Variants in GLB1L2 observed in about 807,000 individuals in gnomAD.
GLB1L2 encodes beta-galactosidase-1-like protein 2.
In GLB1L2, 68 loss-of-function variants were observed where a neutral mutation model predicts 84.1. That is an observed-to-expected ratio of 0.81 (90% CI 0.67 to 0.99). The LOEUF is 0.99. Among genes scored for constraint, GLB1L2 ranks in the 50% least tolerant of loss-of-function variants. The pLI is 0.00. For synonymous variants in GLB1L2, 290 were observed against 318.0 expected, an observed-to-expected ratio of 0.91 and a Z score of 0.94; for missense variants, 762 against 805.6, an observed-to-expected ratio of 0.95 and a Z score of 0.66.
At position 134,359,151 on chromosome 11, in the gene GLB1L2, C is replaced by T; in HGVS notation, c.733+10C>T. The stretch of plus-strand genomic sequence containing the variant: ...GGGATTGTCCAGGGAGGTAACTGCA[C>T]TTGTGTTGGGCCGTGGGGGCTGGCG... On this transcript the variant is annotated intron_variant, in intron 7 of 18. Coordinates refer to ENST00000535456, the MANE Select transcript of GLB1L2 (RefSeq NM_001370461.1). 6.3e-7 allele frequency: 1 copy of T among 1,587,518 alleles called. No homozygotes were observed. Among genetic ancestry groups the T allele is most frequent in the Non-Finnish European group, 8.6e-7 (1 of 1,165,718 alleles).
chr11:134,367,145 C>A, intron 8 of GLB1L2, 112 bp from the exon 9 acceptor site: 1 of 936,334 alleles, frequency 1.1e-6, no homozygotes, highest in East Asian at 2.6e-5. Flanking sequence ...AGTGGGTATG[C>A]AGACAGGGAA....
intron 2 of GLB1L2, 144 bp downstream of exon 2, chr11:134,343,095 A>G: frequency 1.3e-6 from 1 of 791,030 alleles, no homozygotes; most frequent in African/African-American, 1.7e-5. Flanking sequence ...CCCACCACAG[A>G]GCTCCTGACT....
At chr11:134,350,361 T>G (rs1487427599) in intron 5 of GLB1L2, among the ~76,000 whole-genome samples, 2 of 152,240 alleles carry the variant, frequency 1.3e-5, no homozygotes, top group African/African-American at 4.8e-5. Flanking sequence ...ACGTGGATGC[T>G]GGCTGAGCTC....
At position 134,369,948 on chromosome 11, in the gene GLB1L2, A is replaced by G. The variant is rs942262699; in HGVS notation, c.1108+63A>G. The G allele has an allele frequency of 3.1e-5, 43 of 1,386,632 alleles. 1 individual carries two copies. Among genetic ancestry groups the G allele is most frequent in the Non-Finnish European group, 3.9e-5 (38 of 978,224 alleles). The allele number at this position is 1,386,632 out of a possible 1,614,324, so 85.9% of individuals were successfully genotyped here. A position where few individuals can be genotyped will look rare whatever the true frequency, so the allele number is the denominator to read the frequency against. ...CCCTCGCTTCTGCTCTCAGACCCCTAAAGAGTTACTTCCTTACTGTCCCAC... is the reference window on the plus strand; with the variant it reads ...CCCTCGCTTCTGCTCTCAGACCCCTGAAGAGTTACTTCCTTACTGTCCCAC... On this transcript the variant is annotated intron_variant, in intron 11 of 18. Coordinates refer to ENST00000535456, the MANE Select transcript of GLB1L2 (RefSeq NM_001370461.1).
At position 134,364,354 on chromosome 11, in the gene GLB1L2, A is replaced by G. The variant is rs1591622011; in HGVS notation, c.760A>G (p.Thr254Ala). 11 of 1,614,062 alleles carry G rather than the reference A, an allele frequency of 6.8e-6. No homozygotes were observed. Among genetic ancestry groups the G allele is most frequent in the South Asian group, 1.1e-5 (1 of 91,070 alleles). Residue 254 changes from threonine (T) to alanine (A), a missense_variant, in exon 8 of 19, where the codon ACA becomes GCA. Transcript: ENST00000535456. The stretch of plus-strand genomic sequence containing the variant: ...CTTGGCCACCATCAACTTGCAGTCA[A>G]CACACGAGCTGCAGCTACTGACCAC... ...GVLATINLQSTHELQLLTTFL... is the reference protein window; with the variant it reads ...GVLATINLQSAHELQLLTTFL...
At chr11:134,345,196 TTCTGTGTTCCAGTTCCCATTCTGTAC>T (rs75467288) in intron 4 of GLB1L2, 67 bp downstream of exon 4, 86,424 of 1,468,122 alleles carry the variant, frequency 0.059, 5,253 homozygotes, top group East Asian at 0.32. Context: ...TCTGGTTTGT[TTCTGTGTTCCAGTTCCCATTCTGTAC>T]TGAATTGTGT....
In GLB1L2 at chr11:134,344,403, C is replaced by T; in HGVS notation, c.301C>T (p.Leu101=). The change falls in exon 3 of 19, where the codon CTG becomes TTG. Residue 101 remains leucine (L), a synonymous_variant. Transcript: ENST00000535456. ...CTGTTGCAGCTATGTTCCGTGGAAC[C>T]TGCATGAGCCAGAAAGAGGCAAATT... is the stretch of plus-strand genomic sequence containing the variant. The part of the protein sequence containing the change: ...NTLTTYVPWN[L]HEPERGKFDF... 1 of 1,613,650 alleles carries T rather than the reference C, an allele frequency of 6.2e-7. No individual in the cohort carries two copies.
At chr11:134,368,929 T>C (rs950786909) in intron 10 of GLB1L2, 148 bp downstream of exon 10, 3 of 815,058 alleles carry the variant, frequency 3.7e-6, no homozygotes, top group African/African-American at 1.7e-5. Flanking sequence ...TGGACAGTCA[T>C]GTTACACTCC....
At chr11:134,358,597 C>T (rs1439040848) in intron 6 of GLB1L2, among the ~76,000 whole-genome samples, 3 of 152,408 alleles carry the variant, frequency 2.0e-5, no homozygotes, top group African/African-American at 7.2e-5. Context: ...CTTGCCATCC[C>T]CCAAACCCAC....
chr11:134,342,853 G>A lies in GLB1L2; in HGVS notation c.186G>A (p.Trp62Ter), dbSNP rs544621781. ...TCATGCTGGAGGATTCCACCTTCTG[G>A]ATCTTCGGGGGCTCCATCCACTATT... is the stretch of plus-strand genomic sequence containing the variant. ...WNFMLEDSTFWIFGGSIHYFR... is the reference protein window; with the variant it reads ...WNFMLEDSTF Residue 62 changes from tryptophan (W) to a stop codon, truncating the protein, a stop_gained, in exon 2 of 19, where the codon TGG becomes TGA. Transcript: ENST00000535456. LOFTEE classifies it high-confidence loss of function. The A allele has an allele frequency of 1.4e-4, 229 of 1,614,030 alleles. 3 individuals carry two copies. In the South Asian group the frequency reaches 2.5e-3, roughly 17 times the overall value.
chr11:134,342,974 C>G (rs888854417), intron 2 of GLB1L2, 23 bp downstream of exon 2: 1 of 1,590,390 alleles, frequency 6.3e-7, no homozygotes, highest in African/African-American at 1.3e-5. Context: ...CCTGTCCCCC[C>G]GGAGCCTGGT....
chr11:134,342,108 G>A (rs1943472027), intron 1 of GLB1L2, among the ~76,000 whole-genome samples: 1 of 152,106 alleles, frequency 6.6e-6, no homozygotes, highest in Admixed American at 6.5e-5. Flanking sequence ...CGGCAGCACC[G>A]AGTCACTGGG....
At chr11:134,342,636 A>T in intron 1 of GLB1L2, 118 bp from the exon 2 acceptor site, 1 of 1,024,884 alleles carries the variant, frequency 9.8e-7, no homozygotes. Flanking sequence ...AGCTTTTCCC[A>T]GCCACCTGGA....
Position 134,374,208 on chromosome 11 carries a change from T to C in GLB1L2, c.1659T>C (p.Gly553=). 6.2e-7 allele frequency: 1 copy of C among 1,614,126 alleles called. No individual in the cohort carries two copies. The highest frequency in any genetic ancestry group is 8.5e-7 in the Non-Finnish European group (1 of 1,179,964). ...CCACATTACCTGCTTTCTTCTTGGG[T>C]AGCTTGTCCATCAGCTCCACCCCTT... The part of the protein sequence containing the change: ...ETPTLPAFFL[G]SLSISSTPCD... The change falls in exon 17 of 19, where the codon GGT becomes GGC. Residue 553 remains glycine, a synonymous_variant. Transcript: ENST00000535456.
chr11:134,369,147 C>T (rs1450974364), intron 10 of GLB1L2, among the ~76,000 whole-genome samples: 2 of 152,184 alleles, frequency 1.3e-5, no homozygotes, highest in East Asian at 1.9e-4. Flanking sequence ...GTAGAAATTA[C>T]ACCTGCAGCT....
chr11:134,369,375 G>C (rs950511181), intron 10 of GLB1L2, among the ~76,000 whole-genome samples: 1 of 152,118 alleles, frequency 6.6e-6, no homozygotes, highest in Non-Finnish European at 1.5e-5. Context: ...AAAATTTTTT[G>C]TAGAGGTGGG....
intron 5 of GLB1L2, among the ~76,000 whole-genome samples, chr11:134,352,230 G>A (rs940819952): frequency 2.6e-5 from 4 of 152,028 alleles, no homozygotes; most frequent in Non-Finnish European, 2.9e-5. Flanking sequence ...TATTTAATTT[G>A]TTGGCGTACA....
At chr11:134,342,690 G>A in intron 1 of GLB1L2, 64 bp from the exon 2 acceptor site, 1 of 1,507,888 alleles carries the variant, frequency 6.6e-7, no homozygotes, top group Non-Finnish European at 9.0e-7. Flanking sequence ...CTGCGAAGGG[G>A]CGAGGAAGCC....
rs1163403426 is a variant in GLB1L2 at position 134,364,493 on chromosome 11, G to A, written c.804+95G>A. 1.6e-5 allele frequency: 16 copies of A among 1,003,632 alleles called. No homozygotes were observed. In the African/African-American group the frequency reaches 1.9e-4, roughly 12 times the overall value. The allele number at this position is 1,003,632 out of a possible 1,614,324, so 62.2% of individuals were successfully genotyped here. On this transcript the variant is annotated intron_variant, in intron 8 of 18. Transcript: ENST00000535456. ...AGCGTGCTCAGCTTCCCCAGCGCAG[G>A]GAGCTGGACTCAGGGCTGATGGCCT...
Sources: gnomAD v4.1 joint callset for allele counts (sites outside exome capture counted in the v4.1 genomes callset) on GRCh38, gnomAD v4.1.1 for gene constraint, MANE v1.5 for transcripts, NCBI Gene and HGNC (gene_info 2026-07-23, HGNC 2026-07-21) for gene names.